The following ELAPOR2 variants were observed in gnomAD, a reference collection of about 807,000 sequenced individuals.
ELAPOR2 encodes the protein endosome-lysosome associated apoptosis and autophagy regulator family member 2, also known as endosome/lysosome-associated apoptosis and autophagy regulator family member 2.
ELAPOR2 carries 89 observed loss-of-function variants against 120.7 expected under a neutral mutation model. The ratio of observed to expected loss-of-function variants is 0.74; its 90% CI spans 0.62 to 0.88. The LOEUF is 0.88. ELAPOR2 is among the 40% of genes least tolerant of loss of function. The pLI, the probability that ELAPOR2 is intolerant of heterozygous loss-of-function variation, is 0.00. For missense variants in ELAPOR2, 1,134 were observed against 1,251.6 expected (o/e 0.91, Z 1.42); for synonymous variants, 444 against 444.9 (o/e 1.00, Z 0.03).
chr7:87,046,087 T>C (rs1045059585), intron 1 of ELAPOR2, among the ~76,000 whole-genome samples: 1 of 151,970 alleles, frequency 6.6e-6, no homozygotes, highest in Non-Finnish European at 1.5e-5. Flanking sequence ...TTAGGACTGA[T>C]AAAAAAAATT....
chr7:87,011,264 A>AAAAAAAAAAAG (rs1554404742), intron 1 of ELAPOR2, among the ~76,000 whole-genome samples: 10 of 133,798 alleles, frequency 7.5e-5, no homozygotes, highest in African/African-American at 1.5e-4. Context: ...AAAAAAAAAA[A>AAAAAAAAAAAG]AAAAGAAAAG....
At chr7:86,995,508 C>A (rs960734990) in intron 1 of ELAPOR2, among the ~76,000 whole-genome samples, 1 of 152,136 alleles carries the variant, frequency 6.6e-6, no homozygotes, top group African/African-American at 2.4e-5. Flanking sequence ...TAGAAGAAAG[C>A]AAGCTGGAAG....
intron 1 of ELAPOR2, among the ~76,000 whole-genome samples, chr7:86,984,217 A>G (rs932014973): frequency 7.2e-5 from 11 of 152,012 alleles, no homozygotes; most frequent in South Asian, 4.2e-4. Context: ...AAAGACTTAG[A>G]CTCCCACACA....
chr7:86,907,420 G>A (rs1183550057), intron 18 of ELAPOR2, among the ~76,000 whole-genome samples: 1 of 151,264 alleles, frequency 6.6e-6, no homozygotes, highest in Admixed American at 6.6e-5. Context: ...ATTTCTTCAA[G>A]AGAATTAGAC....
At chr7:86,946,372 C>T (rs570725219) in intron 3 of ELAPOR2, among the ~76,000 whole-genome samples, 18 of 152,206 alleles carry the variant, frequency 1.2e-4, no homozygotes, top group Middle Eastern at 3.4e-3. Context: ...TATGACACAA[C>T]TAATTAAAGA....
chr7:86,996,156 C>G (rs1311331841), intron 1 of ELAPOR2, among the ~76,000 whole-genome samples: 1 of 152,066 alleles, frequency 6.6e-6, no homozygotes, highest in Admixed American at 6.5e-5. Flanking sequence ...ATTAAAATAA[C>G]AGATTACCAA....
At chr7:87,023,572 T>A (rs1794136988) in intron 1 of ELAPOR2, among the ~76,000 whole-genome samples, 1 of 152,198 alleles carries the variant, frequency 6.6e-6, no homozygotes, top group African/African-American at 2.4e-5. Flanking sequence ...CCATATTAAC[T>A]TTAAAGTAGT....
At chr7:86,942,738 C>T (rs1790850306) in intron 4 of ELAPOR2, among the ~76,000 whole-genome samples, 1 of 151,954 alleles carries the variant, frequency 6.6e-6, no homozygotes, top group East Asian at 1.9e-4. Context: ...TCCAAAATGT[C>T]AAGGGGTTGG....
intron 2 of ELAPOR2, among the ~76,000 whole-genome samples, chr7:86,958,328 C>T (rs566369166): frequency 6.4e-4 from 97 of 152,270 alleles, no homozygotes; most frequent in African/African-American, 2.2e-3. Flanking sequence ...GGAATGAATG[C>T]AGGTAAAGCA....
intron 1 of ELAPOR2, among the ~76,000 whole-genome samples, chr7:87,009,480 A>C (rs574691067): frequency 6.6e-6 from 1 of 152,218 alleles, no homozygotes; most frequent in Non-Finnish European, 1.5e-5. Flanking sequence ...CTTGAAAAAC[A>C]GTTTGAGGCC....
chr7:86,972,478 G>A (rs568943799), intron 1 of ELAPOR2, among the ~76,000 whole-genome samples: 1 of 151,822 alleles, frequency 6.6e-6, no homozygotes, highest in African/African-American at 2.4e-5. Flanking sequence ...TTTGCTCACA[G>A]AATGTAAACC....
chr7:86,910,046 T>A, intron 15 of ELAPOR2, 45 bp from the exon 16 acceptor site: 1 of 1,455,200 alleles, frequency 6.9e-7, no homozygotes, highest in East Asian at 2.3e-5. Context: ...TGGATGTCAA[T>A]CTCTAAACTT....
At chr7:86,924,472 G>A (rs780345362) in intron 10 of ELAPOR2, among the ~76,000 whole-genome samples, 3 of 150,312 alleles carry the variant, frequency 2.0e-5, no homozygotes, top group Non-Finnish European at 4.4e-5. Flanking sequence ...TTTCCCAATA[G>A]GACTTAATTT....
chr7:86,919,393 A>G (rs1200287973), intron 10 of ELAPOR2, 83 bp from the exon 11 acceptor site: 1 of 779,522 alleles, frequency 1.3e-6, no homozygotes, highest in Non-Finnish European at 2.0e-6. Context: ...TAAAAATAAA[A>G]AGAAGCATTA....
At chr7:87,011,285 T>C (rs1370622222) in intron 1 of ELAPOR2, among the ~76,000 whole-genome samples, 2 of 126,436 alleles carry the variant, frequency 1.6e-5, no homozygotes, top group African/African-American at 6.0e-5. Context: ...AAAAAGAAAA[T>C]ACACCACCAC....
chr7:86,908,760 C>T (rs537606246), intron 16 of ELAPOR2, among the ~76,000 whole-genome samples: 1 of 152,070 alleles, frequency 6.6e-6, no homozygotes, highest in South Asian at 2.1e-4. Context: ...TGTAATTTTG[C>T]TTAAGTCTTT....
At chr7:87,051,683 A>AAT (rs1252860517) in intron 1 of ELAPOR2, among the ~76,000 whole-genome samples, 2 of 152,208 alleles carry the variant, frequency 1.3e-5, no homozygotes, top group Admixed American at 1.3e-4. Flanking sequence ...AAATACCTTC[A>AAT]ATACTGCTTG....
At chr7:86,959,482 G>T (rs1791619037) in intron 2 of ELAPOR2, among the ~76,000 whole-genome samples, 1 of 152,128 alleles carries the variant, frequency 6.6e-6, no homozygotes, top group Non-Finnish European at 1.5e-5. Flanking sequence ...GGCCTTTACT[G>T]TGTTGAGGTA....
intron 18 of ELAPOR2, among the ~76,000 whole-genome samples, chr7:86,898,831 T>A (rs112555505): frequency 5.9e-5 from 9 of 152,120 alleles, no homozygotes; most frequent in African/African-American, 2.2e-4. Flanking sequence ...AAGTTGTAAC[T>A]TCTGTTTAAG....
Sources: gnomAD v4.1 joint callset for allele counts (sites outside exome capture counted in the v4.1 genomes callset) on GRCh38, gnomAD v4.1.1 for gene constraint, MANE v1.5 for transcripts, NCBI Gene and HGNC (gene_info 2026-07-23, HGNC 2026-07-21) for gene names.